The following PLEKHG1 variants were observed in gnomAD, a reference collection of about 807,000 sequenced individuals.
The protein encoded by PLEKHG1 is pleckstrin homology and RhoGEF domain containing G1.
Under a neutral mutation model 100.8 loss-of-function variants are expected in PLEKHG1, and 44 were observed. That is an observed-to-expected ratio of 0.44 (90% CI 0.34 to 0.56). The LOEUF (loss-of-function observed/expected upper bound fraction) is 0.56, where lower values mean the gene tolerates loss of function less well. Among genes scored for constraint, PLEKHG1 ranks in the 20% least tolerant of loss-of-function variants. The probability of loss-of-function intolerance (pLI) is 0.01; values close to 1 mark genes in which losing one functional copy is unlikely to be tolerated. For missense variants in PLEKHG1, 1,545 were observed against 1,720.9 expected (o/e 0.90, Z 1.81); for synonymous variants, 640 against 662.5 (o/e 0.97, Z 0.52).
intron 1 of PLEKHG1, among the ~76,000 whole-genome samples, chr6:150,620,540 C>T (rs192998332): frequency 6.6e-6 from 1 of 152,352 alleles, no homozygotes; most frequent in East Asian, 1.9e-4. Context: ...TCCACACCCA[C>T]TTATTCCAAC....
chr6:150,724,475 A>G (rs960680905), intron 1 of PLEKHG1, among the ~76,000 whole-genome samples: 4 of 152,228 alleles, frequency 2.6e-5, no homozygotes, highest in African/African-American at 9.6e-5. Flanking sequence ...ACCACACACA[A>G]AAAAAGCATA....
At chr6:150,765,491 C>G (rs1441312946) in intron 2 of PLEKHG1, among the ~76,000 whole-genome samples, 1 of 80,838 alleles carries the variant, frequency 1.2e-5, no homozygotes, top group African/African-American at 9.4e-5. Flanking sequence ...GAGACTCTGT[C>G]TCAAAGAAAA....
chr6:150,603,090 A>T lies in PLEKHG1; in HGVS notation c.-204+3073A>T, dbSNP rs185336562. Among the ~76,000 whole-genome samples the T allele has an allele frequency of 3.1e-3, 403 of 129,108 alleles. 17 individuals carry two copies. The highest frequency in any genetic ancestry group is 0.01 in the African/African-American group (395 of 39,230). The allele number at this position is 129,108 out of a possible 152,430, so 84.7% of individuals were successfully genotyped here. ...GCGAGACTCCGTCTCAAAAAAAAAA[A>T]AAATAAAAAAAAAGAAAAGAAAAAA... On this transcript the variant is annotated intron_variant, in intron 1 of 3. Coordinates refer to the PLEKHG1 transcript ENST00000367326.
intron 10 of PLEKHG1, among the ~76,000 whole-genome samples, chr6:150,810,970 T>TAC (rs1305309796): frequency 6.7e-6 from 1 of 149,754 alleles, no homozygotes; most frequent in Non-Finnish European, 1.5e-5. Flanking sequence ...GTGGAGGTGG[T>TAC]GGTGTTTTTC....
chr6:150,755,994 T>C (rs1159993783), intron 2 of PLEKHG1, among the ~76,000 whole-genome samples: 1 of 152,230 alleles, frequency 6.6e-6, no homozygotes, highest in Non-Finnish European at 1.5e-5. Context: ...ATAAAATTGC[T>C]GCTGTGGAAA....
chr6:150,829,518 T>A (rs1776794250), intron 14 of PLEKHG1, among the ~76,000 whole-genome samples: 1 of 152,092 alleles, frequency 6.6e-6, no homozygotes, highest in South Asian at 2.1e-4. Context: ...CTCCAGAGGC[T>A]GAAGCACGAG....
intron 15 of PLEKHG1, among the ~76,000 whole-genome samples, chr6:150,832,668 GT>G (rs1165650579): frequency 4.4e-5 from 6 of 136,676 alleles, no homozygotes; most frequent in Non-Finnish European, 6.1e-5. Context: ...AAAAAGAGGG[GT>G]TTTTTTGCAT....
chr6:150,685,367 C>T (rs1026488037), intron 3 of PLEKHG1, among the ~76,000 whole-genome samples: 1 of 152,154 alleles, frequency 6.6e-6, no homozygotes, highest in South Asian at 2.1e-4. Context: ...CAGCAATCCG[C>T]TGAACCCATC....
chr6:150,628,862 C>T (rs9480502), intron 1 of PLEKHG1, among the ~76,000 whole-genome samples: 33,784 of 152,048 alleles, frequency 0.22, 3,849 homozygotes, highest in Admixed American at 0.27. Flanking sequence ...TGCTGTCATC[C>T]ACATGCAAAG....
At position 150,757,575 on chromosome 6, in the gene PLEKHG1, GTGTGTA is replaced by G. The variant is rs1356513110; in HGVS notation, c.412-11057_412-11052del. 2.4e-4 allele frequency among the ~76,000 whole-genome samples: 36 copies of G among 152,184 alleles called. No individual in the cohort carries two copies. In the East Asian group the frequency reaches 6.6e-3, roughly 28 times the overall value. The stretch of plus-strand genomic sequence containing the variant: ...TGCACACAAGTATGTGTGTGTGTGT[GTGTGTA>G]TGTGTGTGTCAGAAGTTACTCTAAG... On this transcript the variant is annotated intron_variant, in intron 2 of 15. Coordinates refer to ENST00000358517, the Ensembl canonical transcript of PLEKHG1.
intron 3 of PLEKHG1, among the ~76,000 whole-genome samples, chr6:150,707,205 T>C (rs1015977801): frequency 2.6e-5 from 4 of 151,734 alleles, no homozygotes; most frequent in South Asian, 2.1e-4. Flanking sequence ...GGTTTTGCCA[T>C]GTTGGCCAGG....
chr6:150,675,661 AT>A (rs1222097971), intron 3 of PLEKHG1, among the ~76,000 whole-genome samples: 1 of 152,100 alleles, frequency 6.6e-6, no homozygotes, highest in Admixed American at 6.5e-5. Context: ...TAATTTCTGT[AT>A]TTTTGGTAGA....
At chr6:150,724,753 G>C (rs1583007928) in intron 1 of PLEKHG1, among the ~76,000 whole-genome samples, 1 of 151,812 alleles carries the variant, frequency 6.6e-6, no homozygotes, top group Non-Finnish European at 1.5e-5. Flanking sequence ...AGAGACGGGG[G>C]TTTCATCATG....
chr6:150,682,427 A>C (rs1779967195), intron 3 of PLEKHG1, among the ~76,000 whole-genome samples: 3 of 151,992 alleles, frequency 2.0e-5, no homozygotes, highest in Non-Finnish European at 4.4e-5. Flanking sequence ...TTGTTCCTCA[A>C]GTGCATGTCC....
At chr6:150,669,241 T>G (rs1172290423) in intron 3 of PLEKHG1, among the ~76,000 whole-genome samples, 1 of 152,100 alleles carries the variant, frequency 6.6e-6, no homozygotes, top group Non-Finnish European at 1.5e-5. Flanking sequence ...TCACTGTAGA[T>G]AGCTGGGATG....
At chr6:150,759,095 A>G (rs1435684971) in intron 2 of PLEKHG1, among the ~76,000 whole-genome samples, 1 of 152,182 alleles carries the variant, frequency 6.6e-6, no homozygotes, top group Non-Finnish European at 1.5e-5. Flanking sequence ...CAAGTGGCCC[A>G]CCGTGTGGTG....
chr6:150,608,304 G>A lies in PLEKHG1; in HGVS notation c.-204+8287G>A, dbSNP rs149002547. On this transcript the variant is annotated intron_variant, in intron 1 of 3. Coordinates refer to the PLEKHG1 transcript ENST00000367326. ...CTGAGCTGTGATGAGTTCTATCACA[G>A]CAATGACTTTTGAAATCCAGAAAGC... 5.7e-4 allele frequency among the ~76,000 whole-genome samples: 87 copies of A among 152,302 alleles called. 2 individuals carry two copies. The East Asian group carries it at 0.016, about 28-fold the overall frequency.
At position 150,776,833 on chromosome 6, in the gene PLEKHG1, G is replaced by T. The variant is rs1784994739; in HGVS notation, c.512+8095G>T. On this transcript the variant is annotated intron_variant, in intron 3 of 15. Coordinates refer to ENST00000358517, the Ensembl canonical transcript of PLEKHG1. The stretch of plus-strand genomic sequence containing the variant: ...ACACTGTTGCAATCCTGGCGTACAT[G>T]TGCGGTTGCACATCAGCCACACTGA... Among the ~76,000 whole-genome samples, 3 of 151,970 alleles carry T rather than the reference G, an allele frequency of 2.0e-5. No homozygotes were observed. In the South Asian group the frequency reaches 6.2e-4, roughly 31 times the overall value.
At chr6:150,671,015 T>G (rs148182885) in intron 3 of PLEKHG1, among the ~76,000 whole-genome samples, 1 of 151,988 alleles carries the variant, frequency 6.6e-6, no homozygotes, top group African/African-American at 2.4e-5. Context: ...CTTAGAATAA[T>G]AGTCTCCAAT....
Sources: gnomAD v4.1 joint callset for allele counts (sites outside exome capture counted in the v4.1 genomes callset) on GRCh38, gnomAD v4.1.1 for gene constraint, MANE v1.5 for transcripts, NCBI Gene and HGNC (gene_info 2026-07-23, HGNC 2026-07-21) for gene names.